LARP4: variants seen among roughly 807,000 people sequenced by gnomAD.
The protein encoded by LARP4 is La ribonucleoprotein 4, also known as la-related protein 4.
Under a neutral mutation model 92.9 loss-of-function variants are expected in LARP4, and 29 were observed. The ratio of observed to expected loss-of-function variants is 0.31; its 90% CI spans 0.23 to 0.43. LARP4 has a LOEUF of 0.43. Among genes scored for constraint, LARP4 ranks in the 20% least tolerant of loss-of-function variants. LARP4 has a pLI of 1.00. For synonymous variants in LARP4, 279 were observed against 284.1 expected (o/e 0.98, Z 0.18); for missense variants, 732 against 860.0 (o/e 0.85, Z 1.86).
At chr12:50,468,091 T>C (rs1412635768) in intron 13 of LARP4, among the ~76,000 whole-genome samples, 1 of 152,036 alleles carries the variant, frequency 6.6e-6, no homozygotes, top group Non-Finnish European at 1.5e-5. Flanking sequence ...GCAGTTCTCC[T>C]CCCTCAGCCT....
intron 12 of LARP4, among the ~76,000 whole-genome samples, chr12:50,462,833 G>A (rs556195628): frequency 4.6e-5 from 7 of 152,192 alleles, no homozygotes; most frequent in African/African-American, 7.2e-5. Context: ...AAGGAGCTTC[G>A]CTTGTGTTGC....
Position 50,479,834 on chromosome 12 carries a change from C to G in LARP4, c.*3970C>G, listed in dbSNP as rs571084180. The G allele has an allele frequency of 2.8e-4, 43 of 152,406 alleles. No homozygotes were observed. Among genetic ancestry groups the G allele is most frequent in the African/African-American group, 9.6e-4 (40 of 41,528 alleles). The allele number at this position is 152,406 out of a possible 1,614,324, so 9.4% of individuals were successfully genotyped here. A position where few individuals can be genotyped will look rare whatever the true frequency, so the allele number is the denominator to read the frequency against. On this transcript the variant is annotated 3_prime_UTR_variant, in exon 16 of 16. Transcript: ENST00000398473. ...TATCCGGCTTCTGTTTTGTCGATTG[C>G]TTAGATTTGTTCCTGTTGTCAAAAC...
At chr12:50,402,831 G>C (rs767042714) in intron 1 of LARP4, 1 of 454,026 alleles carries the variant, frequency 2.2e-6, no homozygotes, top group Non-Finnish European at 4.4e-6. Flanking sequence ...AAATTCTATC[G>C]TATCTCTCGC....
chr12:50,461,728 G>A (rs1955419389), intron 11 of LARP4, among the ~76,000 whole-genome samples: 1 of 152,008 alleles, frequency 6.6e-6, no homozygotes, highest in Admixed American at 6.6e-5. Context: ...AGGCCGTGGT[G>A]GGAGGATCAT....
chr12:50,400,936 T>C lies in LARP4; in HGVS notation c.-75T>C, dbSNP rs1565908861. ...GCAAGGCGAGTGTGTGTCCTTATCC[T>C]AGCAATTGGGGCGCGGGCCTGTGAG... On this transcript the variant is annotated 5_prime_UTR_variant, in exon 1 of 16. Transcript: ENST00000398473. 6.2e-7 allele frequency: 1 copy of C among 1,604,712 alleles called. No homozygotes were observed. The highest frequency in any genetic ancestry group is 8.5e-7 in the Non-Finnish European group (1 of 1,171,448).
intron 10 of LARP4, among the ~76,000 whole-genome samples, chr12:50,458,607 T>C (rs1017168397): frequency 6.6e-6 from 1 of 152,242 alleles, no homozygotes; most frequent in Non-Finnish European, 1.5e-5. Context: ...GGTTTATAAC[T>C]ATGAAAATAG....
At chr12:50,414,790 C>CAT (rs1946488184) in intron 1 of LARP4, among the ~76,000 whole-genome samples, 1 of 152,010 alleles carries the variant, frequency 6.6e-6, no homozygotes, top group African/African-American at 2.4e-5. Flanking sequence ...AGAGATAGAC[C>CAT]ATATTTAACT....
intron 8 of LARP4, among the ~76,000 whole-genome samples, chr12:50,451,307 C>T (rs1953145796): frequency 6.6e-6 from 1 of 152,188 alleles, no homozygotes; most frequent in Admixed American, 6.5e-5. Context: ...CAAGTGAGAT[C>T]ATGCAGTGTT....
intron 15 of LARP4, 66 bp downstream of exon 15, chr12:50,474,233 C>A: frequency 1.7e-6 from 2 of 1,149,704 alleles, no homozygotes; most frequent in Admixed American, 2.2e-5. Context: ...TTTTTTTTCA[C>A]GTAACACTTT....
rs146764261 is a variant in LARP4 at position 50,405,934 on chromosome 12, G to A, written c.18+4906G>A. Among the ~76,000 whole-genome samples the A allele has an allele frequency of 5.3e-5, 8 of 152,226 alleles. No individual in the cohort carries two copies. The East Asian group carries it at 7.7e-4, about 15-fold the overall frequency. ...TTATAATACCTATTAAAATGTAAATGCTTTATAAATAGTTGCTATACTGTA... is the reference window on the plus strand; with the variant it reads ...TTATAATACCTATTAAAATGTAAATACTTTATAAATAGTTGCTATACTGTA... On this transcript the variant is annotated intron_variant, in intron 1 of 15. Coordinates refer to ENST00000398473, the MANE Select transcript of LARP4 (RefSeq NM_052879.5).
intron 10 of LARP4, 38 bp downstream of exon 10, chr12:50,454,455 A>C (rs765686169): frequency 7.0e-7 from 1 of 1,432,924 alleles, no homozygotes. Flanking sequence ...ATTTTAAACA[A>C]TTCCTAATGG....
At chr12:50,410,665 A>T (rs1328515285) in intron 1 of LARP4, among the ~76,000 whole-genome samples, 1 of 152,080 alleles carries the variant, frequency 6.6e-6, no homozygotes, top group African/African-American at 2.4e-5. Context: ...CAGCCTCCCA[A>T]AGTGCTGGGA....
intron 9 of LARP4, 44 bp downstream of exon 9, chr12:50,453,716 T>G (rs770382532): frequency 4.6e-6 from 6 of 1,293,562 alleles, no homozygotes; most frequent in Non-Finnish European, 6.5e-6. Flanking sequence ...ATTTTTAATT[T>G]GAGCTGAAAT....
In LARP4 at chr12:50,453,661, G is replaced by C. The variant is rs1230797654; in HGVS notation, c.1006G>C (p.Glu336Gln). The change falls in exon 9 of 16, where the codon GAA becomes CAA. Residue 336 changes from glutamate to glutamine, a missense_variant. By Grantham distance (29) the Glu-to-Gln change is conservative. This residue lies in a region of LARP4 where 264 missense variants were observed against 269.5 expected (regional missense o/e 0.98). Transcript: ENST00000398473. Reference protein sequence around the residue: ...SWSPNPTPYFETPLAPFPNGS... With the variant: ...SWSPNPTPYFQTPLAPFPNGS... ...GTCTCCAAATCCTACACCTTACTTT[G>C]AAACACCACTGGTAAGTGAGATCCT... 1 of 1,585,360 alleles carries C rather than the reference G, an allele frequency of 6.3e-7. No homozygotes were observed. Among genetic ancestry groups the C allele is most frequent in the African/African-American group, 1.3e-5 (1 of 74,320 alleles).
At chr12:50,428,127 C>T (rs947998593) in intron 2 of LARP4, among the ~76,000 whole-genome samples, 8 of 151,436 alleles carry the variant, frequency 5.3e-5, no homozygotes, top group Non-Finnish European at 8.8e-5. Context: ...TCCCGGGTGG[C>T]TGGGATTACA....
At chr12:50,429,307 G>A (rs559295256) in intron 3 of LARP4, among the ~76,000 whole-genome samples, 3 of 152,214 alleles carry the variant, frequency 2.0e-5, no homozygotes, top group East Asian at 3.9e-4. Flanking sequence ...AAAGGAAAGC[G>A]TGAAATTAAA....
chr12:50,404,408 G>A (rs1440092071), intron 1 of LARP4, among the ~76,000 whole-genome samples: 6 of 151,862 alleles, frequency 4.0e-5, no homozygotes, highest in Admixed American at 6.6e-5. Flanking sequence ...CCTGGCCTTG[G>A]GCCCAATGTG....
At position 50,478,297 on chromosome 12, in the gene LARP4, G is replaced by A. The variant is rs1957669101; in HGVS notation, c.*2433G>A. Reference sequence around the variant, plus strand: ...TACATCTAATAGTTCCCATTTGATGGCATGTATAGGGAAGAGTGAGAGAGT... The same window carrying A: ...TACATCTAATAGTTCCCATTTGATGACATGTATAGGGAAGAGTGAGAGAGT... On this transcript the variant is annotated 3_prime_UTR_variant, in exon 16 of 16. Transcript: ENST00000398473. 1 of 151,780 alleles carries A rather than the reference G, an allele frequency of 6.6e-6. No individual in the cohort carries two copies. The allele number at this position is 151,780 out of a possible 1,614,324, so 9.4% of individuals were successfully genotyped here.
chr12:50,426,698 T>G (rs888533075), intron 1 of LARP4, among the ~76,000 whole-genome samples: 4 of 128,860 alleles, frequency 3.1e-5, no homozygotes, highest in African/African-American at 1.3e-4. Flanking sequence ...TGTGTGTGTG[T>G]GTGTGTGTGT....
Sources: allele counts gnomAD v4.1 joint callset (sites outside exome capture counted in the v4.1 genomes callset), GRCh38; gene constraint gnomAD v4.1.1; regional missense constraint gnomAD v4.1.1; transcripts MANE v1.5; gene names NCBI Gene and HGNC (gene_info 2026-07-23, HGNC 2026-07-21).